The following CGN variants were observed in gnomAD, a reference collection of about 807,000 sequenced individuals.
The protein encoded by CGN is cingulin.
A neutral mutation model predicts 157.1 loss-of-function variants in CGN; 121 were observed. The observed-to-expected ratio is 0.77, with a 90% CI of 0.66 to 0.90. The LOEUF (loss-of-function observed/expected upper bound fraction) is 0.90, where lower values mean the gene tolerates loss of function less well. Among genes scored for constraint, CGN ranks in the 40% least tolerant of loss-of-function variants. CGN has a pLI of 0.00. For synonymous variants in CGN, 535 were observed against 607.5 expected (o/e 0.88, Z 1.76); for missense variants, 1,424 against 1,520.9 (o/e 0.94, Z 1.06).
intron 11 of CGN, 108 bp from the exon 12 acceptor site, chr1:151,529,800 TG>T: frequency 1.9e-6 from 2 of 1,051,768 alleles, no homozygotes; most frequent in Non-Finnish European, 2.8e-6. Context: ...CTCATTCTTA[TG>T]GGCTGTCTTT....
chr1:151,521,567 G>A (rs1464091345), intron 5 of CGN, among the ~76,000 whole-genome samples: 6 of 152,152 alleles, frequency 3.9e-5, no homozygotes, highest in Admixed American at 1.3e-4. Context: ...TTTCCCAGCC[G>A]GGCGCAGTGG....
At chr1:151,518,419 G>A (rs1419220631) in intron 1 of CGN, 87 bp from the exon 2 acceptor site, 8 of 1,128,608 alleles carry the variant, frequency 7.1e-6, no homozygotes, top group Non-Finnish European at 1.0e-5. Context: ...TATCTAGTAG[G>A]AACTGACAGG....
At chr1:151,519,674 C>A (rs72997943) in intron 2 of CGN, among the ~76,000 whole-genome samples, 4,187 of 152,238 alleles carry the variant, frequency 0.028, 192 homozygotes, top group African/African-American at 0.096. Flanking sequence ...GGCTCAGTCA[C>A]CAGCATTTGC....
chr1:151,525,048 A>G (rs1557989105), intron 8 of CGN, among the ~76,000 whole-genome samples, 162 bp downstream of exon 8: 1 of 152,190 alleles, frequency 6.6e-6, no homozygotes, highest in Non-Finnish European at 1.5e-5. Flanking sequence ...CAGGAAAACT[A>G]TAGGGGCAGA....
In CGN at chr1:151,532,478, C is replaced by T; in HGVS notation, c.2648C>T (p.Ala883Val). 6.2e-7 allele frequency: 1 copy of T among 1,609,968 alleles called. No individual in the cohort carries two copies. The highest frequency in any genetic ancestry group is 1.7e-5 in the Admixed American group (1 of 59,074). ...QAQLEDYKEKARREVADAQRQ... is the reference protein window; with the variant it reads ...QAQLEDYKEKVRREVADAQRQ... The stretch of plus-strand genomic sequence containing the variant: ...CAGCTGGAGGATTATAAGGAAAAGG[C>T]CCGGCGGGAGGTGGCAGATGCCCAG... Residue 883 changes from alanine (A) to valine (V), a missense_variant, in exon 14 of 21, where the codon GCC (alanine) becomes GTC (valine). Transcript: ENST00000271636.
At chr1:151,525,331 G>A (rs1664646843) in intron 8 of CGN, among the ~76,000 whole-genome samples, 1 of 152,078 alleles carries the variant, frequency 6.6e-6, no homozygotes, top group South Asian at 2.1e-4. Context: ...CCAAGGAAGC[G>A]GAGGTTGCAG....
intron 9 of CGN, among the ~76,000 whole-genome samples, chr1:151,526,488 T>C (rs1557989771): frequency 2.6e-5 from 4 of 151,386 alleles, no homozygotes; most frequent in Non-Finnish European, 5.9e-5. Context: ...TTCTTCTTTT[T>C]TTTGAGACAG....
At chr1:151,513,331 G>T (rs1664342322) in intron 1 of CGN, among the ~76,000 whole-genome samples, 1 of 152,116 alleles carries the variant, frequency 6.6e-6, no homozygotes, top group African/African-American at 2.4e-5. Flanking sequence ...TTCCCTACTG[G>T]CCAAGCAGCT....
Position 151,529,365 on chromosome 1 carries a change from C to T in CGN, c.1912C>T (p.Gln638Ter). Residue 638 changes from glutamine to a stop codon, truncating the protein, a stop_gained, in exon 11 of 21, where the codon CAG becomes TAG. Transcript: ENST00000271636. LOFTEE classifies it high-confidence loss of function. ...TTCCTTCCAGGAGCTGCTCCGGACA[C>T]AGGAGGAGCTTAAGGAACTGCAGGC... Reference protein sequence around the residue: ...EVLKKELLRTQEELKELQAER... With the variant: ...EVLKKELLRT 1 of 1,613,548 alleles carries T rather than the reference C, an allele frequency of 6.2e-7. No individual in the cohort carries two copies. The highest frequency in any genetic ancestry group is 8.5e-7 in the Non-Finnish European group (1 of 1,179,800).
At position 151,511,669 on chromosome 1, in the gene CGN, G is replaced by C. The variant is rs1251228487; in HGVS notation, c.-15+154G>C. 6.6e-6 allele frequency among the ~76,000 whole-genome samples: 1 copy of C among 152,100 alleles called. No homozygotes were observed. Among genetic ancestry groups the C allele is most frequent in the Non-Finnish European group, 1.5e-5 (1 of 67,992 alleles). ...GAGGAGGGGAGATTGGGGCGGGGTG[G>C]GGTACTGATTAAGAGCCGACCCCTA... On this transcript the variant is annotated intron_variant, in intron 1 of 20. Transcript: ENST00000271636. This position sits in a 1 kb window ranked among gnomAD's most constrained non-coding sequence, Gnocchi z 4.8.
chr1:151,524,817 G>A lies in CGN; in HGVS notation c.1545G>A (p.Val515=). Residue 515 remains valine (V), a synonymous_variant, in exon 8 of 21, where the codon GTG becomes GTA. Coordinates refer to ENST00000271636, the MANE Select transcript of CGN (RefSeq NM_020770.3). This position sits in a 1 kb window ranked among gnomAD's most constrained non-coding sequence, Gnocchi z 4.4. ...KEEVASRDQE[V]EHVRQQYQRD... is the part of the protein sequence containing the mutation. ...AGGTAGCCTCCCGTGACCAGGAGGT[G>A]GAACATGTCCGGCAGCAGTACCAGC... 6.2e-7 allele frequency: 1 copy of A among 1,612,650 alleles called. No homozygotes were observed. The highest frequency in any genetic ancestry group is 8.5e-7 in the Non-Finnish European group (1 of 1,180,000).
intron 9 of CGN, 108 bp downstream of exon 9, chr1:151,525,898 G>A (rs565944499): frequency 1.0e-5 from 8 of 799,458 alleles, no homozygotes; most frequent in Middle Eastern, 9.7e-4. Context: ...TTGGGACAGA[G>A]TTTCGCTCTT....
rs909592365 is a variant in CGN, at chr1:151,511,701, G to A, written c.-15+186G>A. 1.3e-5 allele frequency among the ~76,000 whole-genome samples: 2 copies of A among 152,206 alleles called. No individual in the cohort carries two copies. The highest frequency in any genetic ancestry group is 4.8e-5 in the African/African-American group (2 of 41,456). ...GATTAAGAGCCGACCCCTACCCTGA[G>A]GTGCCAGATGCAGGTGGCTAGGAAG... On this transcript the variant is annotated intron_variant, in intron 1 of 20. Coordinates refer to ENST00000271636, the MANE Select transcript of CGN (RefSeq NM_020770.3). This position sits in a 1 kb window ranked among gnomAD's most constrained non-coding sequence, Gnocchi z 4.8.
chr1:151,537,271 A>G lies in CGN; in HGVS notation c.3537A>G (p.Glu1179=). The G allele has an allele frequency of 6.2e-7, 1 of 1,614,150 alleles. No individual in the cohort carries two copies. The highest frequency in any genetic ancestry group is 8.5e-7 in the Non-Finnish European group (1 of 1,179,990). The change falls in exon 21 of 21, where the codon GAA becomes GAG. Residue 1179 remains glutamate, a synonymous_variant. Transcript: ENST00000271636. ...ACGAAGGGCTGAGCTCAGATGAGGA[A>G]TTCGACAGTGTCTACGATCCCTCGT... is the stretch of plus-strand genomic sequence containing the variant. ...LKNEGLSSDE[E]FDSVYDPSSI... is the part of the protein sequence containing the mutation.
At chr1:151,520,791 C>G in intron 5 of CGN, 100 bp downstream of exon 5, 1 of 911,592 alleles carries the variant, frequency 1.1e-6, no homozygotes, top group Non-Finnish European at 1.7e-6. Context: ...ATGGAACAAG[C>G]ATGTTTGTGT....
intron 16 of CGN, 59 bp downstream of exon 16, chr1:151,535,190 T>A: frequency 3.1e-6 from 4 of 1,298,520 alleles, no homozygotes; most frequent in Non-Finnish European, 2.2e-6. Context: ...CTTGGTTCTC[T>A]CAAAAACAAC....
Position 151,537,308 on chromosome 1 carries a change from C to T in CGN, c.3574C>T (p.Leu1192=). 1 of 1,614,122 alleles carries T rather than the reference C, an allele frequency of 6.2e-7. No homozygotes were observed. The highest frequency in any genetic ancestry group is 8.5e-7 in the Non-Finnish European group (1 of 1,180,016). The part of the protein sequence containing the change: ...SVYDPSSIAS[L]LTESNLQTSS... ...CTACGATCCCTCGTCCATTGCATCA[C>T]TGCTTACGGAGAGCAACCTACAGAC... is the stretch of plus-strand genomic sequence containing the variant. The change falls in exon 21 of 21, where the codon CTG becomes TTG. Residue 1192 remains leucine (L), a synonymous_variant. Transcript: ENST00000271636.
Position 151,520,668 on chromosome 1 carries a change from C to T in CGN, c.1117C>T (p.Arg373Ter), listed in dbSNP as rs1664525611. Reference protein sequence around the residue: ...ELTRKVEELQRKLDEEVKKRQ... With the variant: ...ELTRKVEELQ ...TACCCGAAAAGTGGAGGAGCTACAGCGAAAGCTGGATGAAGAGGTGAAGGT... is the reference window on the plus strand; with the variant it reads ...TACCCGAAAAGTGGAGGAGCTACAGTGAAAGCTGGATGAAGAGGTGAAGGT... The change falls in exon 5 of 21, where the codon CGA (arginine) becomes TGA (stop). Residue 373 changes from arginine (R) to a stop codon, truncating the protein, a stop_gained. Coordinates refer to ENST00000271636, the MANE Select transcript of CGN (RefSeq NM_020770.3). LOFTEE classifies it high-confidence loss of function. 12 of 1,613,800 alleles carry T rather than the reference C, an allele frequency of 7.4e-6. No homozygotes were observed. Among genetic ancestry groups the T allele is most frequent in the South Asian group, 1.1e-5 (1 of 91,002 alleles).
intron 1 of CGN, among the ~76,000 whole-genome samples, chr1:151,517,252 CT>C (rs1664436177): frequency 6.6e-6 from 1 of 152,198 alleles, no homozygotes; most frequent in South Asian, 2.1e-4. Flanking sequence ...ATGTCCACTC[CT>C]TTCTGCTCTT....
Sources: allele counts gnomAD v4.1 joint callset (sites outside exome capture counted in the v4.1 genomes callset), GRCh38; gene constraint gnomAD v4.1.1; non-coding constraint Gnocchi (gnomAD v3.1); transcripts MANE v1.5; gene names NCBI Gene and HGNC (gene_info 2026-07-23, HGNC 2026-07-21).